The following KATNAL2 variants were observed in gnomAD, a reference collection of about 807,000 sequenced individuals.
The protein encoded by KATNAL2 is katanin catalytic subunit A1 like 2, also known as katanin p60 ATPase-containing subunit A-like 2.
In KATNAL2, 52 loss-of-function variants were observed where a neutral mutation model predicts 76.3. The observed-to-expected ratio is 0.68, with a 90% CI of 0.55 to 0.86. The LOEUF (loss-of-function observed/expected upper bound fraction) is 0.86, where lower values mean the gene tolerates loss of function less well. Among genes scored for constraint, KATNAL2 ranks in the 40% least tolerant of loss-of-function variants. The probability of loss-of-function intolerance (pLI) is 0.00; values close to 1 mark genes in which losing one functional copy is unlikely to be tolerated. For synonymous variants in KATNAL2, 243 were observed against 244.2 expected (o/e 1.00, Z 0.05); for missense variants, 660 against 668.9 (o/e 0.99, Z 0.15).
Position 47,062,913 on chromosome 18 carries a change from T to C in KATNAL2, c.550-59T>C, listed in dbSNP as rs373461860. 1.5e-5 allele frequency: 20 copies of C among 1,351,738 alleles called. No homozygotes were observed. In the African/African-American group the frequency reaches 1.7e-4, roughly 12 times the overall value. 83.7% of individuals were successfully genotyped at this position (1,351,738 alleles called of 1,614,324 possible). The stretch of plus-strand genomic sequence containing the variant: ...GTGTCTTGGTTTAATGAAACTGAGT[T>C]ATTAAGAAGAGTCTTCTCTTATGTT... On this transcript the variant is annotated intron_variant, in intron 8 of 17. Coordinates refer to ENST00000683218, the MANE Select transcript of KATNAL2 (RefSeq NM_001387690.1).
chr18:47,052,856 C>A (rs769832641), intron 4 of KATNAL2, 24 bp from the exon 5 acceptor site: 2 of 1,551,398 alleles, frequency 1.3e-6, no homozygotes, highest in Non-Finnish European at 8.7e-7. Flanking sequence ...TTAATTTCTT[C>A]TTTTTATTCT....
intron 3 of KATNAL2, among the ~76,000 whole-genome samples, chr18:46,948,164 G>T (rs2059436571): frequency 6.6e-6 from 1 of 152,174 alleles, no homozygotes; most frequent in South Asian, 2.1e-4. Flanking sequence ...AGGCTGGAGT[G>T]CAGTGGCATG....
chr18:47,058,750 T>C (rs2061542370), intron 7 of KATNAL2, among the ~76,000 whole-genome samples: 1 of 152,190 alleles, frequency 6.6e-6, no homozygotes. Flanking sequence ...GCTAGGTTCC[T>C]AAGTGTAGGC....
chr18:46,918,128 A>G (rs1033642901), intron 1 of KATNAL2: 1 of 152,206 alleles, frequency 6.6e-6, no homozygotes, highest in Non-Finnish European at 1.5e-5. Flanking sequence ...CATGCTAAAA[A>G]GTCGGGGAAA....
At chr18:46,946,784 C>A in intron 2 of KATNAL2, 70 bp from the exon 3 acceptor site, 1 of 1,362,782 alleles carries the variant, frequency 7.3e-7, no homozygotes, top group Non-Finnish European at 1.0e-6. Flanking sequence ...AAGGGGCGGG[C>A]TGGTTAAGCG....
At chr18:46,918,130 T>C (rs2058211568) in intron 1 of KATNAL2, 2 of 151,678 alleles carry the variant, frequency 1.3e-5, no homozygotes, top group Non-Finnish European at 2.9e-5. Flanking sequence ...TGCTAAAAAG[T>C]CGGGGAAATC....
intron 1 of KATNAL2, among the ~76,000 whole-genome samples, chr18:46,925,658 G>T (rs1052392540): frequency 2.6e-5 from 4 of 152,168 alleles, no homozygotes; most frequent in African/African-American, 9.7e-5. Flanking sequence ...AGAAGGCATG[G>T]TACCAGCTCC....
At chr18:46,934,787 A>G (rs2059039181) in intron 1 of KATNAL2, among the ~76,000 whole-genome samples, 1 of 152,194 alleles carries the variant, frequency 6.6e-6, no homozygotes, top group Non-Finnish European at 1.5e-5. Flanking sequence ...TTTGGGTCTA[A>G]CATGTAAGTC....
intron 15 of KATNAL2, among the ~76,000 whole-genome samples, chr18:47,080,586 T>G (rs1482765404): frequency 1.3e-5 from 2 of 152,206 alleles, no homozygotes; most frequent in Admixed American, 1.3e-4. Flanking sequence ...ACTCTACGTT[T>G]GATTAGTTGA....
intron 15 of KATNAL2, among the ~76,000 whole-genome samples, chr18:47,093,401 CTTTT>C (rs557793941): frequency 1.6e-5 from 2 of 127,742 alleles, no homozygotes; most frequent in African/African-American, 5.9e-5. Flanking sequence ...TTTCTCTGTC[CTTTT>C]TTTTTTTTTT....
intron 3 of KATNAL2, chr18:47,032,486 G>A (rs867421477): frequency 3.4e-5 from 6 of 176,338 alleles, no homozygotes; most frequent in Non-Finnish European, 6.0e-5. Flanking sequence ...AGGCTCAAGC[G>A]AACTGCTTTC....
At chr18:47,081,547 C>G (rs1253336313) in intron 15 of KATNAL2, among the ~76,000 whole-genome samples, 1 of 152,178 alleles carries the variant, frequency 6.6e-6, no homozygotes, top group Non-Finnish European at 1.5e-5. Context: ...ACCCAAAAGC[C>G]ACATGTGGCT....
intron 3 of KATNAL2, among the ~76,000 whole-genome samples, chr18:47,043,893 A>G (rs983494762): frequency 2.0e-5 from 3 of 152,182 alleles, no homozygotes; most frequent in African/African-American, 4.8e-5. Flanking sequence ...CAACTTTTAT[A>G]TGGTCCTAAT....
At chr18:46,935,379 G>A (rs1378474094) in intron 1 of KATNAL2, among the ~76,000 whole-genome samples, 1 of 152,144 alleles carries the variant, frequency 6.6e-6, no homozygotes, top group Non-Finnish European at 1.5e-5. Context: ...TTTTCCTGAG[G>A]AAGCTGCTGA....
intron 1 of KATNAL2, among the ~76,000 whole-genome samples, chr18:46,933,878 A>G (rs563496693): frequency 2.1e-3 from 306 of 145,122 alleles, no homozygotes; most frequent in Middle Eastern, 3.4e-3. Flanking sequence ...ATTCCCACCT[A>G]TGAGTGAGAA....
rs1367710898 is a variant in KATNAL2 at position 47,033,319 on chromosome 18, T to C, written c.52-13138T>C. On this transcript the variant is annotated intron_variant, in intron 3 of 17. Transcript: ENST00000683218. ...CCTCCTTGAAGTATCATAAGGCGTCTTGGCCACAGATTTGAAACAGATCAT... is the reference window on the plus strand; with the variant it reads ...CCTCCTTGAAGTATCATAAGGCGTCCTGGCCACAGATTTGAAACAGATCAT... The C allele has an allele frequency of 1.2e-6, 2 of 1,613,662 alleles. No individual in the cohort carries two copies. Among genetic ancestry groups the C allele is most frequent in the East Asian group, 2.2e-5 (1 of 44,900 alleles).
At chr18:47,098,984 C>A in intron 15 of KATNAL2, 1 of 343,020 alleles carries the variant, frequency 2.9e-6, no homozygotes, top group Non-Finnish European at 5.3e-6. Context: ...CCTTTTCTTC[C>A]ATTCATCCTT....
chr18:46,935,032 G>A (rs951799056), intron 1 of KATNAL2, among the ~76,000 whole-genome samples: 27 of 152,030 alleles, frequency 1.8e-4, no homozygotes, highest in African/African-American at 6.5e-4. Context: ...TCAAAAATTA[G>A]CAGACCATAC....
intron 10 of KATNAL2, among the ~76,000 whole-genome samples, chr18:47,066,325 T>G (rs1469759819): frequency 1.3e-5 from 2 of 152,120 alleles, no homozygotes; most frequent in African/African-American, 4.8e-5. Context: ...AAATTGAAGT[T>G]TGGAAACTGT....
Sources: allele counts gnomAD v4.1 joint callset (sites outside exome capture counted in the v4.1 genomes callset), GRCh38; gene constraint gnomAD v4.1.1; transcripts MANE v1.5; gene names NCBI Gene and HGNC (gene_info 2026-07-23, HGNC 2026-07-21).